The following EXOC6B variants were observed in gnomAD, a reference collection of about 807,000 sequenced individuals.
EXOC6B encodes the protein exocyst complex component 6B, also known as SEC15 homolog B.
EXOC6B carries 54 observed loss-of-function variants against 113.5 expected under a neutral mutation model. The observed-to-expected ratio is 0.48, with a 90% CI of 0.38 to 0.60. EXOC6B has a LOEUF of 0.60. EXOC6B is among the 20% of genes least tolerant of loss of function. The pLI is 0.00. For missense variants in EXOC6B, 797 were observed against 977.5 expected, an observed-to-expected ratio of 0.82 and a Z score of 2.46; for synonymous variants, 357 against 339.0, an observed-to-expected ratio of 1.05 and a Z score of -0.58.
Position 72,669,295 on chromosome 2 carries a change from C to G in EXOC6B, c.669+48808G>C, listed in dbSNP as rs577349443. Among the ~76,000 whole-genome samples the G allele has an allele frequency of 3.3e-5, 5 of 151,800 alleles. No individual in the cohort carries two copies. In the South Asian group the frequency reaches 1.0e-3, roughly 32 times the overall value. On this transcript the variant is annotated intron_variant, in intron 6 of 21. Transcript: ENST00000272427. Reference sequence around the variant, plus strand: ...CATAAATGGGTGGTTCACTGCCAAGCTTTCCTTACCCAATATCGAATTAGT... The same window carrying G: ...CATAAATGGGTGGTTCACTGCCAAGGTTTCCTTACCCAATATCGAATTAGT...
intron 18 of EXOC6B, among the ~76,000 whole-genome samples, chr2:72,409,531 G>A (rs545805288): frequency 6.6e-6 from 1 of 152,154 alleles, no homozygotes; most frequent in Admixed American, 6.5e-5. Flanking sequence ...GGAATACTAT[G>A]CAGCCATAAA....
chr2:72,227,520 T>G (rs917380796), intron 20 of EXOC6B, among the ~76,000 whole-genome samples: 6 of 152,328 alleles, frequency 3.9e-5, no homozygotes, highest in African/African-American at 1.2e-4. Context: ...AGGGAGATTT[T>G]AGCACCTTCT....
intron 6 of EXOC6B, among the ~76,000 whole-genome samples, chr2:72,669,440 T>TA (rs1191080212): frequency 1.3e-5 from 2 of 152,012 alleles, no homozygotes; most frequent in East Asian, 3.9e-4. Flanking sequence ...GTTTTTTTTT[T>TA]ACATGCTTCA....
At chr2:72,194,470 G>C (rs1039075215) in intron 20 of EXOC6B, among the ~76,000 whole-genome samples, 1 of 152,084 alleles carries the variant, frequency 6.6e-6, no homozygotes, top group African/African-American at 2.4e-5. Context: ...ACTGTTTGCT[G>C]TGCAATTCAT....
At chr2:72,345,496 A>G (rs1053336969) in intron 19 of EXOC6B, among the ~76,000 whole-genome samples, 1 of 152,172 alleles carries the variant, frequency 6.6e-6, no homozygotes, top group African/African-American at 2.4e-5. Context: ...ATTATTTAGT[A>G]CTAAAAAGAA....
intron 6 of EXOC6B, among the ~76,000 whole-genome samples, chr2:72,669,137 AAAAAAG>A (rs1364671383): frequency 6.6e-6 from 1 of 152,044 alleles, no homozygotes. Flanking sequence ...TTAAAGAAAC[AAAAAAG>A]AAAGTCACAT....
Position 72,825,135 on chromosome 2 carries a change from T to A in EXOC6B, c.113+663A>T, listed in dbSNP as rs188954835. Among the ~76,000 whole-genome samples, 284 of 151,964 alleles carry A rather than the reference T, an allele frequency of 1.9e-3. 2 individuals carry two copies. Among genetic ancestry groups the A allele is most frequent in the African/African-American group, 5.8e-3 (240 of 41,430 alleles). On this transcript the variant is annotated intron_variant, in intron 1 of 21. Transcript: ENST00000272427. This position sits in a 1 kb window ranked among gnomAD's most constrained non-coding sequence, Gnocchi z 4.4. ...TTTCTTTTGACATCTCCAAATAAAATGGAGATGTGCGTGCAAAAAAAAATG... is the reference window on the plus strand; with the variant it reads ...TTTCTTTTGACATCTCCAAATAAAAAGGAGATGTGCGTGCAAAAAAAAATG...
At chr2:72,327,976 T>C (rs556424410) in intron 20 of EXOC6B, among the ~76,000 whole-genome samples, 2 of 152,246 alleles carry the variant, frequency 1.3e-5, no homozygotes, top group South Asian at 4.1e-4. Context: ...TATCCTTGCA[T>C]ATGCTGATCC....
intron 6 of EXOC6B, among the ~76,000 whole-genome samples, chr2:72,580,497 T>C (rs1180217415): frequency 6.6e-6 from 1 of 152,192 alleles, no homozygotes; most frequent in Non-Finnish European, 1.5e-5. Context: ...GCAATATTTC[T>C]ATACATAATA....
At chr2:72,389,086 T>C (rs1309272179) in intron 18 of EXOC6B, among the ~76,000 whole-genome samples, 1 of 152,134 alleles carries the variant, frequency 6.6e-6, no homozygotes, top group Admixed American at 6.5e-5. Flanking sequence ...GATTTAAATC[T>C]ATTATGTTGA....
At chr2:72,264,156 C>CTGAA (rs1452104181) in intron 20 of EXOC6B, among the ~76,000 whole-genome samples, 1 of 152,188 alleles carries the variant, frequency 6.6e-6, no homozygotes, top group African/African-American at 2.4e-5. Flanking sequence ...GCCTATAGAG[C>CTGAA]TGAAGACTGT....
chr2:72,776,355 G>A (rs978161108), intron 1 of EXOC6B, among the ~76,000 whole-genome samples: 2 of 152,144 alleles, frequency 1.3e-5, no homozygotes, highest in South Asian at 2.1e-4. Flanking sequence ...GGTGGCTCAC[G>A]CCTATAATCC....
chr2:72,409,374 C>T (rs1218175195), intron 18 of EXOC6B, among the ~76,000 whole-genome samples: 1 of 152,148 alleles, frequency 6.6e-6, no homozygotes, highest in Non-Finnish European at 1.5e-5. Flanking sequence ...TGGGTATATA[C>T]CCAAAGGATT....
At chr2:72,671,755 GAAAGAAAGAAAGAA>G (rs1558902637) in intron 6 of EXOC6B, among the ~76,000 whole-genome samples, 804 of 14,718 alleles carry the variant, frequency 0.055, 16 homozygotes, top group African/African-American at 0.083. Context: ...GACAGAGAAA[GAAAGAAAGAAAGAA>G]AGAAAGAAAG....
chr2:72,263,961 A>C (rs1460063033), intron 20 of EXOC6B, among the ~76,000 whole-genome samples: 1 of 152,164 alleles, frequency 6.6e-6, no homozygotes, highest in East Asian at 1.9e-4. Flanking sequence ...TGCTATGAAG[A>C]TTCTGAAAGG....
chr2:72,747,264 T>C (rs1007403481), intron 1 of EXOC6B, among the ~76,000 whole-genome samples: 5 of 152,088 alleles, frequency 3.3e-5, no homozygotes, highest in Non-Finnish European at 7.4e-5. Flanking sequence ...AGTTAATATA[T>C]GGTGGTCAGT....
intron 8 of EXOC6B, among the ~76,000 whole-genome samples, chr2:72,520,387 T>C (rs1701424601): frequency 6.6e-6 from 1 of 152,240 alleles, no homozygotes; most frequent in Non-Finnish European, 1.5e-5. Context: ...CTAAAGTTTT[T>C]TGTTCCTGTT....
chr2:72,791,280 G>A (rs997981094), intron 1 of EXOC6B, among the ~76,000 whole-genome samples: 12 of 152,164 alleles, frequency 7.9e-5, no homozygotes, highest in South Asian at 2.1e-4. Flanking sequence ...GCTCTGGCTC[G>A]TGCCTGTAAT....
intron 19 of EXOC6B, among the ~76,000 whole-genome samples, chr2:72,340,933 A>G (rs893781066): frequency 6.6e-6 from 1 of 152,154 alleles, no homozygotes; most frequent in Non-Finnish European, 1.5e-5. Context: ...TTCAGATCCT[A>G]CTGGTCAGAG....
Sources: allele counts gnomAD v4.1 joint callset (sites outside exome capture counted in the v4.1 genomes callset), GRCh38; gene constraint gnomAD v4.1.1; non-coding constraint Gnocchi (gnomAD v3.1); transcripts MANE v1.5; gene names NCBI Gene and HGNC (gene_info 2026-07-23, HGNC 2026-07-21).